GNAO1: variants seen among roughly 807,000 people sequenced by gnomAD.
GNAO1 encodes the protein guanine nucleotide-binding protein G(o) subunit alpha.
For synonymous variants in GNAO1, 164 were observed against 180.7 expected (o/e 0.91, Z 0.74); for missense variants, 166 against 478.7 (o/e 0.35, Z 6.10).
chr16:56,231,834 G>A (rs1277322049), intron 2 of GNAO1, among the ~76,000 whole-genome samples: 1 of 152,198 alleles, frequency 6.6e-6, no homozygotes. Flanking sequence ...CTGAGGCTCA[G>A]TATTCTCTCC....
chr16:56,248,261 C>T (rs1390924279), intron 2 of GNAO1, among the ~76,000 whole-genome samples: 1 of 152,222 alleles, frequency 6.6e-6, no homozygotes, highest in Admixed American at 6.5e-5. Context: ...GTGCTACCTT[C>T]CAGTCTTTGT....
chr16:56,345,278 G>A, intron 6 of GNAO1: 8 of 985,492 alleles, frequency 8.1e-6, no homozygotes, highest in Non-Finnish European at 9.6e-6. Flanking sequence ...AGCAGGCTGT[G>A]CCTGGGGACC....
At chr16:56,323,093 C>A (rs373002006) in intron 3 of GNAO1, among the ~76,000 whole-genome samples, 1 of 152,038 alleles carries the variant, frequency 6.6e-6, no homozygotes, top group African/African-American at 2.4e-5. Flanking sequence ...GGACTGAGAC[C>A]AGAGTGATCT....
At chr16:56,308,151 A>T (rs1310297962) in intron 3 of GNAO1, 1 of 152,226 alleles carries the variant, frequency 6.6e-6, no homozygotes, top group African/African-American at 2.4e-5. Flanking sequence ...TGTCATGGGA[A>T]GCACAGAAAT....
chr16:56,228,307 C>T (rs574157425), intron 2 of GNAO1, among the ~76,000 whole-genome samples: 1 of 152,116 alleles, frequency 6.6e-6, no homozygotes, highest in African/African-American at 2.4e-5. Context: ...CCTGGCATTT[C>T]CATGTATGTA....
At chr16:56,276,152 C>A in intron 3 of GNAO1, 80 bp downstream of exon 3, 1 of 1,286,806 alleles carries the variant, frequency 7.8e-7, no homozygotes, top group Non-Finnish European at 1.1e-6. Context: ...TAGTGCTGGG[C>A]TGCCTTAAAT....
intron 3 of GNAO1, among the ~76,000 whole-genome samples, chr16:56,298,819 G>T (rs1407508155): frequency 6.6e-6 from 1 of 151,764 alleles, no homozygotes; most frequent in African/African-American, 2.4e-5. Context: ...GGAGGCTGAG[G>T]CAGGAGAATG....
intron 3 of GNAO1, among the ~76,000 whole-genome samples, chr16:56,288,147 G>A (rs1048938573): frequency 3.9e-5 from 6 of 152,294 alleles, no homozygotes; most frequent in African/African-American, 1.2e-4. Flanking sequence ...TCACTCACTG[G>A]TTTATTTACT....
At chr16:56,203,148 G>A (rs1445811887) in intron 2 of GNAO1, among the ~76,000 whole-genome samples, 4 of 152,134 alleles carry the variant, frequency 2.6e-5, no homozygotes, top group African/African-American at 9.7e-5. Flanking sequence ...AGGGAACTGG[G>A]TGGAGAAGTG....
rs574235929 is a variant in GNAO1, at chr16:56,275,470, T to G, written c.162-461T>G. Reference sequence around the variant, plus strand: ...TGGTTATTTGTTTGTCTTAAGTGAATCATTTTACCTTCATTAAAAGCGGTG... The same window carrying G: ...TGGTTATTTGTTTGTCTTAAGTGAAGCATTTTACCTTCATTAAAAGCGGTG... On this transcript the variant is annotated intron_variant, in intron 2 of 8. Transcript: ENST00000262493. Among the ~76,000 whole-genome samples, 3 of 152,332 alleles carry G rather than the reference T, an allele frequency of 2.0e-5. No individual in the cohort carries two copies. The East Asian group carries it at 5.8e-4, about 29-fold the overall frequency.
At chr16:56,313,792 A>C (rs1397823494) in intron 3 of GNAO1, among the ~76,000 whole-genome samples, 1 of 152,140 alleles carries the variant, frequency 6.6e-6, no homozygotes, top group Admixed American at 6.5e-5. Flanking sequence ...GCACGATGAC[A>C]ACTCACTCCA....
intron 2 of GNAO1, among the ~76,000 whole-genome samples, chr16:56,261,784 C>T (rs1181403454): frequency 6.6e-6 from 1 of 152,182 alleles, no homozygotes; most frequent in African/African-American, 2.4e-5. Flanking sequence ...CCCTCAGAAC[C>T]TGTTCAGTAA....
intron 2 of GNAO1, among the ~76,000 whole-genome samples, chr16:56,259,095 G>T (rs556590642): frequency 4.6e-5 from 7 of 152,374 alleles, no homozygotes; most frequent in African/African-American, 1.7e-4. Context: ...GCAAGTCCAT[G>T]TTGGAGCTGG....
At chr16:56,255,085 A>T (rs905058598) in intron 2 of GNAO1, among the ~76,000 whole-genome samples, 3 of 152,140 alleles carry the variant, frequency 2.0e-5, no homozygotes, top group Admixed American at 6.5e-5. Flanking sequence ...TGTTAGGAAC[A>T]TTTAATATTT....
chr16:56,295,975 G>C, intron 3 of GNAO1, among the ~76,000 whole-genome samples: 1 of 152,224 alleles, frequency 6.6e-6, no homozygotes. Context: ...ACCTTCCAGA[G>C]CCTCTATTAG....
At position 56,224,227 on chromosome 16, in the gene GNAO1, G is replaced by T. The variant is rs1486291951; in HGVS notation, c.161+31611G>T. Among the ~76,000 whole-genome samples the T allele has an allele frequency of 2.6e-5, 4 of 152,302 alleles. No homozygotes were observed. The East Asian group carries it at 7.7e-4, about 29-fold the overall frequency. On this transcript the variant is annotated intron_variant, in intron 2 of 8. Coordinates refer to ENST00000262493, the MANE Select transcript of GNAO1 (RefSeq NM_020988.3). ...CAGTGGGATAGAAGTATTGATTCTG[G>T]CCTGGCCCCTGGTACAGCGTCAGGC...
At position 56,324,189 on chromosome 16, in the gene GNAO1, G is replaced by T. The variant is rs2037605889; in HGVS notation, c.304-4442G>T. The stretch of plus-strand genomic sequence containing the variant: ...TGGAGTGGGACCCATTAAATTCCAG[G>T]CCACACATGGAAGCTCAAACATGGG... On this transcript the variant is annotated intron_variant, in intron 3 of 8. Transcript: ENST00000262493. Among the ~76,000 whole-genome samples, 4 of 152,290 alleles carry T rather than the reference G, an allele frequency of 2.6e-5. No homozygotes were observed. In the South Asian group the frequency reaches 8.3e-4, roughly 32 times the overall value.
intron 3 of GNAO1, among the ~76,000 whole-genome samples, chr16:56,293,096 T>C (rs1596846763): frequency 6.6e-6 from 1 of 152,218 alleles, no homozygotes; most frequent in African/African-American, 2.4e-5. Flanking sequence ...AGGGGAGTTT[T>C]TGGGGCCGGG....
At chr16:56,342,929 A>T (rs1168006171) in intron 6 of GNAO1, among the ~76,000 whole-genome samples, 1 of 152,100 alleles carries the variant, frequency 6.6e-6, no homozygotes, top group Non-Finnish European at 1.5e-5. Context: ...CCTGGCCAAC[A>T]TGGCGAAAAC....
Sources: allele counts gnomAD v4.1 joint callset (sites outside exome capture counted in the v4.1 genomes callset), GRCh38; gene constraint gnomAD v4.1.1; transcripts MANE v1.5; gene names NCBI Gene and HGNC (gene_info 2026-07-23, HGNC 2026-07-21).